Variants in AGTPBP1 observed in about 807,000 individuals in gnomAD.
AGTPBP1 encodes ATP/GTP binding carboxypeptidase 1.
AGTPBP1 carries 70 observed loss-of-function variants against 143.9 expected under a neutral mutation model. That is an observed-to-expected ratio of 0.49 (90% CI 0.40 to 0.59). The LOEUF is 0.59. Ranked by LOEUF, AGTPBP1 falls within the 20% of genes least tolerant of loss-of-function variation. The probability of loss-of-function intolerance (pLI) is 0.00; values close to 1 mark genes in which losing one functional copy is unlikely to be tolerated. For synonymous variants in AGTPBP1, 463 were observed against 500.2 expected (o/e 0.93, Z 0.99); for missense variants, 1,229 against 1,464.5 (o/e 0.84, Z 2.62).
chr9:85,613,334 T>C (rs182072732), intron 17 of AGTPBP1, among the ~76,000 whole-genome samples: 15 of 151,812 alleles, frequency 9.9e-5, no homozygotes, highest in African/African-American at 3.6e-4. Flanking sequence ...AGAGAGAAAT[T>C]AATAAGTATA....
chr9:85,666,894 A>C (rs543387654), intron 8 of AGTPBP1, among the ~76,000 whole-genome samples: 1 of 152,250 alleles, frequency 6.6e-6, no homozygotes, highest in East Asian at 1.9e-4. Flanking sequence ...ACACTACTAC[A>C]TTGCTTATCT....
chr9:85,791,946 C>A, the AGTPBP1 span, among the ~76,000 whole-genome samples: 2 of 151,854 alleles, frequency 1.3e-5, no homozygotes, highest in Non-Finnish European at 2.9e-5. Flanking sequence ...ACAACATACA[C>A]TGAAGGAAAG....
At chr9:85,732,215 T>TC (rs1352805861) in intron 1 of AGTPBP1, among the ~76,000 whole-genome samples, 1 of 144,922 alleles carries the variant, frequency 6.9e-6, no homozygotes, top group African/African-American at 2.6e-5. Context: ...TGACCCTTTT[T>TC]TTTTTTTTTT....
chr9:85,754,411 C>T, the AGTPBP1 span, among the ~76,000 whole-genome samples: 4 of 152,050 alleles, frequency 2.6e-5, no homozygotes, highest in African/African-American at 4.8e-5. Context: ...AGGATGGTTT[C>T]GATTTCGTGA....
chr9:85,602,047 C>T (rs1829705593), intron 17 of AGTPBP1, among the ~76,000 whole-genome samples: 1 of 152,030 alleles, frequency 6.6e-6, no homozygotes, highest in Non-Finnish European at 1.5e-5. Flanking sequence ...GACTGTTATA[C>T]CAGATGTGCC....
At chr9:85,572,237 A>G (rs1827549666) in intron 25 of AGTPBP1, among the ~76,000 whole-genome samples, 1 of 151,974 alleles carries the variant, frequency 6.6e-6, no homozygotes. Flanking sequence ...CATGTTGGCC[A>G]GGCTGGTCTG....
intron 4 of AGTPBP1, 96 bp downstream of exon 4, chr9:85,681,172 T>C (rs1173514977): frequency 2.8e-6 from 3 of 1,089,424 alleles, no homozygotes; most frequent in Non-Finnish European, 4.1e-6. Context: ...CGTGTGTATG[T>C]GTTTCTGTGT....
chr9:85,720,531 A>G (rs185282896), intron 1 of AGTPBP1, among the ~76,000 whole-genome samples: 19 of 151,394 alleles, frequency 1.3e-4, no homozygotes, highest in Non-Finnish European at 2.7e-4. Flanking sequence ...TTGTTATTGC[A>G]TCTATTTGAT....
At chr9:85,719,934 A>T (rs1837988458) in intron 1 of AGTPBP1, among the ~76,000 whole-genome samples, 2 of 152,068 alleles carry the variant, frequency 1.3e-5, no homozygotes, top group East Asian at 1.9e-4. Context: ...GGTTTTTGTC[A>T]TTGGTTCTGT....
chr9:85,607,727 GT>G (rs1330629811), intron 17 of AGTPBP1, among the ~76,000 whole-genome samples: 1 of 152,066 alleles, frequency 6.6e-6, no homozygotes, highest in Non-Finnish European at 1.5e-5. Flanking sequence ...AAGATGAGGT[GT>G]TTTAGGTCAT....
At chr9:85,674,839 C>G (rs1449567120) in intron 6 of AGTPBP1, among the ~76,000 whole-genome samples, 1 of 152,120 alleles carries the variant, frequency 6.6e-6, no homozygotes, top group Non-Finnish European at 1.5e-5. Context: ...TTCCAATAAG[C>G]ATTTTAGCCA....
chr9:85,695,528 G>A (rs1418163157), intron 2 of AGTPBP1, among the ~76,000 whole-genome samples: 1 of 152,214 alleles, frequency 6.6e-6, no homozygotes, highest in Admixed American at 6.5e-5. Context: ...TGGCATTGCA[G>A]CAAAATGAAG....
chr9:85,715,445 A>G (rs1837643938), intron 1 of AGTPBP1, among the ~76,000 whole-genome samples: 1 of 152,116 alleles, frequency 6.6e-6, no homozygotes, highest in South Asian at 2.1e-4. Flanking sequence ...GAAGACTACA[A>G]AACAGGGCTA....
intron 23 of AGTPBP1, among the ~76,000 whole-genome samples, chr9:85,581,831 TTA>T (rs1828281500): frequency 6.6e-6 from 1 of 152,176 alleles, no homozygotes; most frequent in Admixed American, 6.5e-5. Context: ...AAAAAATCCA[TTA>T]TGTTCCAAAT....
chr9:85,710,778 C>G (rs1440963614), intron 2 of AGTPBP1, among the ~76,000 whole-genome samples: 1 of 151,910 alleles, frequency 6.6e-6, no homozygotes, highest in Non-Finnish European at 1.5e-5. Flanking sequence ...GGCTTTCAAA[C>G]TAAAAGTAAT....
At chr9:85,572,294 A>T (rs1299105466) in intron 25 of AGTPBP1, among the ~76,000 whole-genome samples, 1 of 151,936 alleles carries the variant, frequency 6.6e-6, no homozygotes, top group African/African-American at 2.4e-5. Context: ...CGGCCTTCCA[A>T]AGTGCTGGGA....
At chr9:85,685,286 T>C (rs1835422728) in intron 3 of AGTPBP1, among the ~76,000 whole-genome samples, 2 of 151,820 alleles carry the variant, frequency 1.3e-5, no homozygotes, top group African/African-American at 4.8e-5. Context: ...CCAAGCAGGA[T>C]AACTATGAAG....
intron 1 of AGTPBP1, among the ~76,000 whole-genome samples, chr9:85,713,183 T>C (rs1167710964): frequency 1.3e-5 from 2 of 152,222 alleles, no homozygotes; most frequent in South Asian, 2.1e-4. Flanking sequence ...CAATGCTTAC[T>C]GTAGCAGAAT....
At chr9:85,725,666 T>C (rs1421782534) in intron 1 of AGTPBP1, among the ~76,000 whole-genome samples, 1 of 152,136 alleles carries the variant, frequency 6.6e-6, no homozygotes, top group Admixed American at 6.5e-5. Context: ...TTCCAGCACT[T>C]TGGGAGGCCA....
Sources: allele counts gnomAD v4.1 joint callset (sites outside exome capture counted in the v4.1 genomes callset), GRCh38; gene constraint gnomAD v4.1.1; transcripts MANE v1.5; gene names NCBI Gene and HGNC (gene_info 2026-07-23, HGNC 2026-07-21).